SYT15B: variants seen among roughly 807,000 people sequenced by gnomAD.
SYT15B encodes synaptotagmin 15B.
At chr10:47,755,516 A>T in the SYT15B span, among the ~76,000 whole-genome samples, 3 of 150,064 alleles carry the variant, frequency 2.0e-5, no homozygotes, top group African/African-American at 7.4e-5. Context: ...CGGCCTCCCA[A>T]AGTGCTGGGA....
chr10:47,755,555 C>CTTTT, the SYT15B span, among the ~76,000 whole-genome samples: 53 of 82,976 alleles, frequency 6.4e-4, 2 homozygotes, highest in African/African-American at 6.8e-4. Context: ...GTGCCCGGCC[C>CTTTT]TTTTTTTTTT....
At chr10:47,748,657 G>T in the SYT15B span, among the ~76,000 whole-genome samples, 1 of 152,134 alleles carries the variant, frequency 6.6e-6, no homozygotes. Context: ...CCTCCCTCCT[G>T]TCGTTTTCTT....
At chr10:47,762,208 G>C in the SYT15B span, among the ~76,000 whole-genome samples, 2 of 151,914 alleles carry the variant, frequency 1.3e-5, no homozygotes, top group Admixed American at 6.6e-5. Flanking sequence ...TTGGTGCGAC[G>C]CGGTGGACGA....
At chr10:47,762,796 A>C in the SYT15B span, 189 of 1,287,380 alleles carry the variant, frequency 1.5e-4, no homozygotes, top group South Asian at 2.1e-3. Flanking sequence ...CGCGCAGTGC[A>C]CGGCAGGGGC....
At chr10:47,751,101 T>C in the SYT15B span, 66 of 151,700 alleles carry the variant, frequency 4.4e-4, 1 homozygote, top group African/African-American at 1.5e-3. Flanking sequence ...TCAAACTTCA[T>C]GGTGAATATT....
the SYT15B span, chr10:47,750,730 G>T: frequency 7.1e-6 from 1 of 141,788 alleles, no homozygotes; most frequent in Non-Finnish European, 1.5e-5. Context: ...GAGCCACTGA[G>T]CTCGACTTAA....
At chr10:47,755,260 CTT>C in the SYT15B span, among the ~76,000 whole-genome samples, 2 of 140,142 alleles carry the variant, frequency 1.4e-5, no homozygotes, top group Non-Finnish European at 1.6e-5. Flanking sequence ...CAGCCAACCT[CTT>C]TTTTTTTTTT....
At chr10:47,761,707 C>CCCAG in the SYT15B span, 1 of 1,485,540 alleles carries the variant, frequency 6.7e-7, no homozygotes, top group Non-Finnish European at 9.0e-7. Context: ...CCCTCACAGC[C>CCCAG]CTGGCCTGCT....
chr10:47,762,073 T>TC, the SYT15B span, among the ~76,000 whole-genome samples: 1 of 125,918 alleles, frequency 7.9e-6, no homozygotes. Flanking sequence ...AAAGGTACCT[T>TC]CCCCCTGGTC....
chr10:47,747,304 A>G, the SYT15B span, among the ~76,000 whole-genome samples: 1 of 151,916 alleles, frequency 6.6e-6, no homozygotes, highest in African/African-American at 2.4e-5. Context: ...GGAGACACAG[A>G]AAAGGAACAC....
chr10:47,755,448 G>A, the SYT15B span, among the ~76,000 whole-genome samples: 1 of 151,080 alleles, frequency 6.6e-6, no homozygotes, highest in African/African-American at 2.4e-5. Flanking sequence ...GTAGAGACGT[G>A]GTTTCACTGT....
the SYT15B span, among the ~76,000 whole-genome samples, chr10:47,761,190 CCTGTTCTG>C: frequency 6.7e-6 from 1 of 150,194 alleles, no homozygotes; most frequent in Non-Finnish European, 1.5e-5. Context: ...GGTTTGGATT[CCTGTTCTG>C]CCACTTACTA....
At chr10:47,756,742 G>A in the SYT15B span, among the ~76,000 whole-genome samples, 4 of 152,254 alleles carry the variant, frequency 2.6e-5, no homozygotes, top group African/African-American at 9.6e-5. Flanking sequence ...TGGGACATGT[G>A]GGGTGAACCA....
At chr10:47,761,110 AC>A in the SYT15B span, among the ~76,000 whole-genome samples, 1 of 149,722 alleles carries the variant, frequency 6.7e-6, no homozygotes, top group East Asian at 2.0e-4. Context: ...ACGCACACAC[AC>A]ACACACACAC....
At chr10:47,750,112 CCT>C in the SYT15B span, among the ~76,000 whole-genome samples, 1 of 151,820 alleles carries the variant, frequency 6.6e-6, no homozygotes, top group Non-Finnish European at 1.5e-5. Flanking sequence ...CAGGCTTTAT[CCT>C]CTCTCAGTAA....
the SYT15B span, among the ~76,000 whole-genome samples, chr10:47,762,192 G>A: frequency 4.0e-5 from 6 of 151,656 alleles, no homozygotes; most frequent in Non-Finnish European, 7.4e-5. Flanking sequence ...CACGCGCTTA[G>A]GGGAGTTGGT....
At chr10:47,749,695 A>T in the SYT15B span, among the ~76,000 whole-genome samples, 56 of 151,418 alleles carry the variant, frequency 3.7e-4, no homozygotes, top group Non-Finnish European at 6.6e-4. Flanking sequence ...GAATTAAAAA[A>T]ATAATCAGAA....
At chr10:47,744,735 A>T in the SYT15B span, among the ~76,000 whole-genome samples, 1 of 151,702 alleles carries the variant, frequency 6.6e-6, no homozygotes, top group South Asian at 2.1e-4. Context: ...ACAGCAAACT[A>T]TTTTATTCTT....
chr10:47,750,337 TTTTA>T, the SYT15B span, among the ~76,000 whole-genome samples: 167 of 139,226 alleles, frequency 1.2e-3, no homozygotes, highest in Admixed American at 4.6e-3. Flanking sequence ...TTAATCTAAA[TTTTA>T]TTTATTTATT....
Sources: allele counts gnomAD v4.1 joint callset (sites outside exome capture counted in the v4.1 genomes callset), GRCh38; gene constraint gnomAD v4.1.1; transcripts MANE v1.5; gene names NCBI Gene and HGNC (gene_info 2026-07-23, HGNC 2026-07-21).